The following CARD14 variants were observed in gnomAD, a reference collection of about 807,000 sequenced individuals.
The protein encoded by CARD14 is caspase recruitment domain family member 14, also known as caspase recruitment domain-containing protein 14.
Under a neutral mutation model 111.5 loss-of-function variants are expected in CARD14, and 107 were observed. The observed-to-expected ratio is 0.96, with a 90% CI of 0.82 to 1.13. The LOEUF is 1.13. CARD14 is among the 50% of genes most tolerant of loss of function. The pLI, the probability that CARD14 is intolerant of heterozygous loss-of-function variation, is 0.00. For missense variants in CARD14, 1,322 were observed against 1,362.3 expected (o/e 0.97, Z 0.47); for synonymous variants, 617 against 579.6 (o/e 1.06, Z -0.93).
In CARD14 at chr17:80,191,342, G is replaced by A; in HGVS notation, c.1109G>A (p.Ser370Asn). The A allele has an allele frequency of 6.2e-7, 1 of 1,613,798 alleles. No homozygotes were observed. The highest frequency in any genetic ancestry group is 1.1e-5 in the South Asian group (1 of 91,080). The change falls in exon 11 of 24, where the codon AGT (serine) becomes AAT (asparagine). Residue 370 changes from serine (S) to asparagine (N), a missense_variant. Ser to Asn is a conservative substitution (Grantham distance 46). Transcript: ENST00000648509. ...ERDQAYSARD[S>N]AQREISQSLV... ...CCACAGGCGTACTCCGCGAGGGACAGTGCTCAGAGGGAGATTTCCCAGAGC... is the reference window on the plus strand; with the variant it reads ...CCACAGGCGTACTCCGCGAGGGACAATGCTCAGAGGGAGATTTCCCAGAGC...
At chr17:80,207,260 C>T (rs2041375361) in intron 23 of CARD14, among the ~76,000 whole-genome samples, 175 bp downstream of exon 23, 1 of 152,092 alleles carries the variant, frequency 6.6e-6, no homozygotes, top group African/African-American at 2.4e-5. Context: ...ATGAGATTCC[C>T]CTGATTTTGG....
rs577382929 is a variant in CARD14 at position 80,189,007 on chromosome 17, C to T, written c.843+463C>T. Among the ~76,000 whole-genome samples, 88 of 152,282 alleles carry T rather than the reference C, an allele frequency of 5.8e-4. No homozygotes were observed. The highest frequency in any genetic ancestry group is 2.0e-3 in the African/African-American group (83 of 41,560). ...TTCAGGCTGCAGGGAGCTGAGATCA[C>T]GCCACTGCACTCCAGCCTGGCGACA... On this transcript the variant is annotated intron_variant, in intron 8 of 23. Coordinates refer to ENST00000648509, the MANE Select transcript of CARD14 (RefSeq NM_001366385.1). This position sits in a 1 kb window ranked among gnomAD's most constrained non-coding sequence, Gnocchi z 4.7.
intron 5 of CARD14, 123 bp downstream of exon 5, chr17:80,181,772 C>A: frequency 1.2e-6 from 1 of 816,422 alleles, no homozygotes; most frequent in South Asian, 1.8e-5. Flanking sequence ...CTTGCTGTTG[C>A]CTTTAGGGCC....
At chr17:80,183,785 TGCTCACCC>T (rs2040248486) in intron 6 of CARD14, 120 bp from the exon 7 acceptor site, 6 of 608,012 alleles carry the variant, frequency 9.9e-6, no homozygotes, top group South Asian at 6.8e-5. Context: ...CCCGCCCACA[TGCTCACCC>T]GCCCACATGC....
intron 9 of CARD14, 46 bp from the exon 10 acceptor site, chr17:80,190,728 C>T: frequency 6.2e-7 from 1 of 1,609,918 alleles, no homozygotes; most frequent in Non-Finnish European, 8.5e-7. Context: ...AGGCCAGACC[C>T]TCAGAGCTGC....
chr17:80,202,742 A>G (rs1393503580), intron 18 of CARD14: 1 of 530,862 alleles, frequency 1.9e-6, no homozygotes, highest in Admixed American at 4.2e-5. Flanking sequence ...CAGGATATAG[A>G]GCAGCATCCC....
rs938112294 is a variant in CARD14 at position 80,188,131 on chromosome 17, T to C, written c.676-246T>C. On this transcript the variant is annotated intron_variant, in intron 7 of 23. Transcript: ENST00000648509. The surrounding 1 kb of genome is among the most constrained non-coding windows in gnomAD (Gnocchi z 4.5). The stretch of plus-strand genomic sequence containing the variant: ...TGGTCTATTCCTGGGACCCTAACCC[T>C]GGATGGAGTTCAACCGCGGTGCCTC... 4.2e-6 allele frequency: 2 copies of C among 472,252 alleles called. No individual in the cohort carries two copies. Among genetic ancestry groups the C allele is most frequent in the Non-Finnish European group, 3.1e-6 (1 of 318,358 alleles). 29.3% of individuals were successfully genotyped at this position (472,252 alleles called of 1,614,324 possible). A position where few individuals can be genotyped will look rare whatever the true frequency, so the allele number is the denominator to read the frequency against.
At position 80,204,345 on chromosome 17, in the gene CARD14, A is replaced by G; in HGVS notation, c.2398+4A>G. 6.4e-7 allele frequency: 1 copy of G among 1,553,064 alleles called. No individual in the cohort carries two copies. Among genetic ancestry groups the G allele is most frequent in the Middle Eastern group, 1.8e-4 (1 of 5,694 alleles). On this transcript the variant is annotated splice_donor_region_variant and intron_variant, in intron 20 of 23. Coordinates refer to ENST00000648509, the MANE Select transcript of CARD14 (RefSeq NM_001366385.1). Reference sequence around the variant, plus strand: ...TTGGACCCCAGCAGGATGGAGGGTGAGGCCTGGTGAGCTGGCACAGGGGCC... The same window carrying G: ...TTGGACCCCAGCAGGATGGAGGGTGGGGCCTGGTGAGCTGGCACAGGGGCC...
At position 80,188,431 on chromosome 17, in the gene CARD14, C is replaced by G. The variant is rs933242599; in HGVS notation, c.730C>G (p.Leu244Val). ...QRANMVSSCELELQEQSLRTA... is the reference protein window; with the variant it reads ...QRANMVSSCEVELQEQSLRTA... ...AGCCAACATGGTTTCCTCCTGTGAGCTGGAATTGCAAGAGCAGTCCCTGAG... is the reference window on the plus strand; with the variant it reads ...AGCCAACATGGTTTCCTCCTGTGAGGTGGAATTGCAAGAGCAGTCCCTGAG... The change falls in exon 8 of 24, where the codon CTG becomes GTG. Residue 244 changes from leucine to valine, a missense_variant. Transcript: ENST00000648509. The surrounding 1 kb of genome is among the most constrained non-coding windows in gnomAD (Gnocchi z 4.5). 1 of 1,610,462 alleles carries G rather than the reference C, an allele frequency of 6.2e-7. No homozygotes were observed. The highest frequency in any genetic ancestry group is 1.7e-5 in the Admixed American group (1 of 59,468).
At position 80,191,324 on chromosome 17, in the gene CARD14, C is replaced by T. The variant is rs141698692; in HGVS notation, c.1091C>T (p.Ala364Val). 1.3e-4 allele frequency: 214 copies of T among 1,610,794 alleles called. No homozygotes were observed. The highest frequency in any genetic ancestry group is 4.9e-4 in the Middle Eastern group (3 of 6,082). ...CCTTACTCCCGTCGTGGCCCACAGG[C>T]GTACTCCGCGAGGGACAGTGCTCAG... ...VCELQKERDQ[A>V]YSARDSAQRE... Residue 364 changes from alanine to valine, a missense_variant and splice_region_variant, in exon 11 of 24, where the codon GCG becomes GTG. Coordinates refer to ENST00000648509, the MANE Select transcript of CARD14 (RefSeq NM_001366385.1).
intron 5 of CARD14, 149 bp downstream of exon 5, chr17:80,181,798 G>A (rs2040185614): frequency 1.4e-6 from 1 of 715,298 alleles, no homozygotes; most frequent in Non-Finnish European, 2.3e-6. Flanking sequence ...GGATAACCAG[G>A]ATGATCTGAT....
At chr17:80,179,511 T>C (rs1448931423) in intron 4 of CARD14, among the ~76,000 whole-genome samples, 2 of 152,246 alleles carry the variant, frequency 1.3e-5, no homozygotes, top group Non-Finnish European at 2.9e-5. Flanking sequence ...AGATGCTATG[T>C]ACTGTTTATA....
intron 16 of CARD14, among the ~76,000 whole-genome samples, chr17:80,200,039 G>T (rs554501164): frequency 1.4e-4 from 22 of 151,970 alleles, no homozygotes; most frequent in Non-Finnish European, 2.8e-4. Flanking sequence ...GGGAAGGTGA[G>T]CACAGAGGCG....
At position 80,181,205 on chromosome 17, in the gene CARD14, G is replaced by A. The variant is rs56282439; in HGVS notation, c.-20-214G>A. On this transcript the variant is annotated intron_variant, in intron 4 of 23. Coordinates refer to ENST00000648509, the MANE Select transcript of CARD14 (RefSeq NM_001366385.1). ...GGATTGGGGTAGAGCAGGTGGGGCC[G>A]TGGCACTCAACCTTACACAGAGGGA... 0.09 allele frequency among the ~76,000 whole-genome samples: 13,694 copies of A among 152,130 alleles called. 639 individuals carry two copies. Among genetic ancestry groups the A allele is most frequent in the African/African-American group, 0.1 (4,272 of 41,492 alleles).
rs1477739114 is a variant in CARD14 at position 80,182,231 on chromosome 17, C to G, written c.212-422C>G. 6.6e-6 allele frequency among the ~76,000 whole-genome samples: 1 copy of G among 152,206 alleles called. No individual in the cohort carries two copies. Among genetic ancestry groups the G allele is most frequent in the African/African-American group, 2.4e-5 (1 of 41,448 alleles). On this transcript the variant is annotated intron_variant, in intron 5 of 23. Transcript: ENST00000648509. The surrounding 1 kb of genome is among the most constrained non-coding windows in gnomAD (Gnocchi z 4.7). ...GAGGCTCTCTGGGACCTGTCACCCG[C>G]AGCCCCGGGGTGCCACTCTGCTTTC... is the stretch of plus-strand genomic sequence containing the variant.
chr17:80,174,719 G>A (rs532378429), intron 2 of CARD14, among the ~76,000 whole-genome samples: 5 of 152,224 alleles, frequency 3.3e-5, no homozygotes, highest in African/African-American at 9.6e-5. Flanking sequence ...AAGGACAGCC[G>A]GGCCTGGGTT....
At chr17:80,206,909 C>T in intron 22 of CARD14, 61 bp from the exon 23 acceptor site, 1 of 1,286,246 alleles carries the variant, frequency 7.8e-7, no homozygotes, top group South Asian at 1.3e-5. Flanking sequence ...TGGGCGTTGG[C>T]TCCCTTTGCT....
intron 2 of CARD14, among the ~76,000 whole-genome samples, chr17:80,173,915 G>T (rs2039967780): frequency 1.3e-5 from 2 of 151,910 alleles, no homozygotes; most frequent in African/African-American, 2.4e-5. Context: ...TTTTTTAATT[G>T]TTAAAAATAA....
intron 14 of CARD14, chr17:80,196,483 A>G (rs2040717840): frequency 6.6e-6 from 1 of 152,218 alleles, no homozygotes. Flanking sequence ...CCCTGGTTGC[A>G]TATACTTTTA....
Sources: allele counts gnomAD v4.1 joint callset (sites outside exome capture counted in the v4.1 genomes callset), GRCh38; gene constraint gnomAD v4.1.1; non-coding constraint Gnocchi (gnomAD v3.1); transcripts MANE v1.5; gene names NCBI Gene and HGNC (gene_info 2026-07-23, HGNC 2026-07-21).